CLMN: variants seen among roughly 807,000 people sequenced by gnomAD.
CLMN encodes calmin (calponin-like, transmembrane).
CLMN carries 57 observed loss-of-function variants against 92.7 expected under a neutral mutation model. The observed-to-expected ratio is 0.61, with a 90% CI of 0.50 to 0.77. CLMN has a LOEUF of 0.77. Ranked by LOEUF, CLMN falls within the 30% of genes least tolerant of loss-of-function variation. The pLI is 0.00. For synonymous variants in CLMN, 466 were observed against 470.6 expected (o/e 0.99, Z 0.13); for missense variants, 1,158 against 1,237.5 (o/e 0.94, Z 0.96).
chr14:95,245,254 A>ATATATATATAAT (rs1491364370), intron 1 of CLMN, among the ~76,000 whole-genome samples: 2 of 27,968 alleles, frequency 7.2e-5, no homozygotes, highest in Non-Finnish European at 1.2e-4. Context: ...ATATATATAT[A>ATATATATATAAT]ATATATATAT....
At chr14:95,211,665 AAC>A (rs200458815) in intron 6 of CLMN, among the ~76,000 whole-genome samples, 424 of 148,314 alleles carry the variant, frequency 2.9e-3, no homozygotes, top group African/African-American at 9.1e-3. Flanking sequence ...AAAAAAAAAA[AAC>A]CAAAAACAAC....
At chr14:95,304,377 T>TGACAGCAAGGAAG (rs1435274683) in intron 1 of CLMN, among the ~76,000 whole-genome samples, 2 of 149,946 alleles carry the variant, frequency 1.3e-5, no homozygotes, top group Admixed American at 1.3e-4. Context: ...GCATCCTCAG[T>TGACAGCAAGGAAG]GACAGCAAGG....
intron 1 of CLMN, among the ~76,000 whole-genome samples, chr14:95,231,493 C>T (rs532121413): frequency 5.3e-5 from 8 of 152,300 alleles, no homozygotes; most frequent in Non-Finnish European, 8.8e-5. Context: ...CCACCGCGCC[C>T]AGCCGCATTA....
chr14:95,316,161 A>G (rs1246160770), intron 1 of CLMN, among the ~76,000 whole-genome samples: 1 of 152,124 alleles, frequency 6.6e-6, no homozygotes, highest in Non-Finnish European at 1.5e-5. Flanking sequence ...CTATTAACAC[A>G]CCACCTCTAA....
At position 95,184,514 on chromosome 14, in the gene CLMN, G is replaced by T. The variant is rs967646275; in HGVS notation, c.*7050C>A. On this transcript the variant is annotated 3_prime_UTR_variant, in exon 13 of 13. Transcript: ENST00000298912. ...TTGTCTTTTTCCCATAGACAAGAATGTTTTTTGGCATGTTGCTCCAGCCCT... is the reference window on the plus strand; with the variant it reads ...TTGTCTTTTTCCCATAGACAAGAATTTTTTTTGGCATGTTGCTCCAGCCCT... The T allele has an allele frequency of 3.3e-5, 5 of 152,180 alleles. No individual in the cohort carries two copies. The highest frequency in any genetic ancestry group is 1.2e-4 in the African/African-American group (5 of 41,450). The allele number at this position is 152,180 out of a possible 1,614,324, so 9.4% of individuals were successfully genotyped here. A position where few individuals can be genotyped will look rare whatever the true frequency, so the allele number is the denominator to read the frequency against.
At chr14:95,244,986 T>TACACAC (rs201945657) in intron 1 of CLMN, among the ~76,000 whole-genome samples, 101 of 114,512 alleles carry the variant, frequency 8.8e-4, no homozygotes, top group South Asian at 5.9e-3. Flanking sequence ...CATATATGTG[T>TACACAC]ATACACACAC....
At chr14:95,239,374 A>T (rs1898168584) in intron 1 of CLMN, among the ~76,000 whole-genome samples, 1 of 152,110 alleles carries the variant, frequency 6.6e-6, no homozygotes, top group Admixed American at 6.6e-5. Flanking sequence ...GAAGAGAGGG[A>T]GGGAAGGAAG....
At chr14:95,201,381 C>T (rs891768871) in intron 9 of CLMN, among the ~76,000 whole-genome samples, 1 of 151,544 alleles carries the variant, frequency 6.6e-6, no homozygotes, top group Non-Finnish European at 1.5e-5. Flanking sequence ...TCTCAAAGGC[C>T]TTCCATCATT....
chr14:95,316,972 T>G (rs1382545823), intron 1 of CLMN, among the ~76,000 whole-genome samples: 1 of 152,190 alleles, frequency 6.6e-6, no homozygotes, highest in Non-Finnish European at 1.5e-5. Flanking sequence ...CCACGACAAC[T>G]GCGGCTATCT....
intron 1 of CLMN, among the ~76,000 whole-genome samples, chr14:95,312,774 C>T (rs1036373281): frequency 6.6e-6 from 1 of 152,128 alleles, no homozygotes; most frequent in Non-Finnish European, 1.5e-5. Flanking sequence ...GGCAGGGGTT[C>T]CAAGATAACA....
intron 1 of CLMN, among the ~76,000 whole-genome samples, chr14:95,261,192 C>CAA (rs34154169): frequency 0.076 from 9,694 of 127,716 alleles, 972 homozygotes; most frequent in East Asian, 0.43. Context: ...CACACAAATG[C>CAA]AAAAAAAAAA....
chr14:95,245,194 A>AATATATATATATATAAT (rs1326720445), intron 1 of CLMN, among the ~76,000 whole-genome samples: 6 of 35,482 alleles, frequency 1.7e-4, no homozygotes, highest in Non-Finnish European at 2.7e-4. Flanking sequence ...ATATATATAT[A>AATATATATATATATAAT]ATATATATAT....
chr14:95,250,492 A>C (rs1424434924), intron 1 of CLMN, among the ~76,000 whole-genome samples: 2 of 152,240 alleles, frequency 1.3e-5, no homozygotes, highest in Non-Finnish European at 2.9e-5. Context: ...GCCAGAGAAA[A>C]ATAATTCAAG....
At position 95,209,433 on chromosome 14, in the gene CLMN, C is replaced by T. The variant is rs766194456; in HGVS notation, c.847G>A (p.Val283Met). Residue 283 changes from valine to methionine, a missense_variant, in exon 8 of 13, where the codon GTG becomes ATG. By Grantham distance (21) the Val-to-Met change is conservative. Coordinates refer to ENST00000298912, the MANE Select transcript of CLMN (RefSeq NM_024734.4). The stretch of plus-strand genomic sequence containing the variant: ...GGAAAACGTTCTAGAAACTGTGCCA[C>T]GTAAGTCATGATAGACTGCTCGTCT... ...TPDEQSIMTY[V>M]AQFLERFPEL... The T allele has an allele frequency of 1.4e-5, 22 of 1,614,032 alleles. No individual in the cohort carries two copies. Among genetic ancestry groups the T allele is most frequent in the East Asian group, 4.5e-5 (2 of 44,894 alleles).
intron 1 of CLMN, among the ~76,000 whole-genome samples, chr14:95,302,504 T>G (rs1442487496): frequency 6.6e-6 from 1 of 152,184 alleles, no homozygotes; most frequent in Non-Finnish European, 1.5e-5. Context: ...ACAATATATA[T>G]ATTTTTAATC....
chr14:95,233,434 T>C (rs77918210), intron 1 of CLMN, among the ~76,000 whole-genome samples: 14,166 of 151,878 alleles, frequency 0.093, 1,002 homozygotes, highest in African/African-American at 0.19. Context: ...CATCCATTCA[T>C]CCATCTGTCC....
intron 1 of CLMN, among the ~76,000 whole-genome samples, chr14:95,309,828 T>C (rs1200146397): frequency 6.6e-6 from 1 of 152,014 alleles, no homozygotes; most frequent in African/African-American, 2.4e-5. Flanking sequence ...GACAGCCATT[T>C]GTTATTTACT....
chr14:95,209,475 T>G lies in CLMN; in HGVS notation c.805A>C (p.Ile269Leu). 1.9e-6 allele frequency: 3 copies of G among 1,613,636 alleles called. No individual in the cohort carries two copies. Among genetic ancestry groups the G allele is most frequent in the East Asian group, 2.2e-5 (1 of 44,882 alleles). The change falls in exon 8 of 13, where the codon ATC becomes CTC. Residue 269 changes from isoleucine to leucine, a missense_variant and splice_region_variant. Physicochemically the swap from Ile to Leu is conservative, Grantham distance 5 (BLOSUM62 2). Coordinates refer to ENST00000298912, the MANE Select transcript of CLMN (RefSeq NM_024734.4). ...HIPRLLEPED[I>L]MVDTPDEQSI... ...TGCTCGTCTGGTGTGTCAACCATGATGTCTGTCGAGAGAGACACAGGAATT... is the reference window on the plus strand; with the variant it reads ...TGCTCGTCTGGTGTGTCAACCATGAGGTCTGTCGAGAGAGACACAGGAATT...
intron 2 of CLMN, among the ~76,000 whole-genome samples, chr14:95,226,290 A>AT (rs1045463261): frequency 3.3e-5 from 5 of 152,332 alleles, no homozygotes; most frequent in Non-Finnish European, 7.4e-5. Flanking sequence ...TTCAGTGTAA[A>AT]TGCAAAGTAA....
Sources: gnomAD v4.1 joint callset for allele counts (sites outside exome capture counted in the v4.1 genomes callset) on GRCh38, gnomAD v4.1.1 for gene constraint, MANE v1.5 for transcripts, NCBI Gene and HGNC (gene_info 2026-07-23, HGNC 2026-07-21) for gene names.